Variants in WASF2 observed in about 807,000 individuals in gnomAD.
WASF2 encodes actin-binding protein WASF2.
WASF2 carries 14 observed loss-of-function variants against 45.0 expected under a neutral mutation model. The ratio of observed to expected loss-of-function variants is 0.31; its 90% CI spans 0.21 to 0.49. WASF2 has a LOEUF of 0.49. Ranked by LOEUF, WASF2 falls within the 20% of genes least tolerant of loss-of-function variation. The pLI is 0.99. For synonymous variants in WASF2, 200 were observed against 236.3 expected (o/e 0.85, Z 1.41); for missense variants, 439 against 636.1 (o/e 0.69, Z 3.33).
At chr1:27,441,967 G>T (rs1473344620) in intron 1 of WASF2, among the ~76,000 whole-genome samples, 2 of 150,216 alleles carry the variant, frequency 1.3e-5, no homozygotes, top group Non-Finnish European at 3.0e-5. Context: ...TCAGCTGAGT[G>T]CAGTGGTGTG....
At chr1:27,467,162 C>T (rs1239791658) in intron 1 of WASF2, among the ~76,000 whole-genome samples, 1 of 142,632 alleles carries the variant, frequency 7.0e-6, no homozygotes, top group Admixed American at 7.3e-5. Flanking sequence ...TGCAGTGAGT[C>T]GAGATAATGC....
At chr1:27,441,814 T>A (rs1033580833) in intron 1 of WASF2, among the ~76,000 whole-genome samples, 1 of 145,654 alleles carries the variant, frequency 6.9e-6, no homozygotes, top group African/African-American at 2.6e-5. Flanking sequence ...TAGTCCCAGC[T>A]ACTCGGGAGG....
At position 27,459,583 on chromosome 1, in the gene WASF2, T is replaced by A. The variant is rs191123539; in HGVS notation, c.-44+30403A>T. On this transcript the variant is annotated intron_variant, in intron 1 of 8. Coordinates refer to ENST00000618852, the MANE Select transcript of WASF2 (RefSeq NM_006990.5). ...TGAACTATAAAATATACATTATTTT[T>A]AAAAAATAAAAATGTAATCAAGACT... 7 of 152,246 alleles carry A rather than the reference T, an allele frequency of 4.6e-5. No homozygotes were observed. In the East Asian group the frequency reaches 9.6e-4, roughly 21 times the overall value. 9.4% of individuals were successfully genotyped at this position (152,246 alleles called of 1,614,324 possible).
At chr1:27,442,278 G>A (rs2017247953) in intron 1 of WASF2, among the ~76,000 whole-genome samples, 1 of 152,170 alleles carries the variant, frequency 6.6e-6, no homozygotes, top group Non-Finnish European at 1.5e-5. Flanking sequence ...GGGCGCAGTG[G>A]CTCACACCTG....
intron 1 of WASF2, among the ~76,000 whole-genome samples, chr1:27,469,598 A>G (rs2148136600): frequency 6.6e-6 from 1 of 152,304 alleles, no homozygotes; most frequent in South Asian, 2.1e-4. Context: ...TCAGGACTTT[A>G]GTCATATAGG....
intron 1 of WASF2, among the ~76,000 whole-genome samples, chr1:27,463,467 T>C (rs183922762): frequency 6.7e-6 from 1 of 150,372 alleles, no homozygotes; most frequent in Non-Finnish European, 1.5e-5. Context: ...CTAGAAAAAA[T>C]ACAAAAAATC....
At chr1:27,468,702 G>A (rs143568368) in intron 1 of WASF2, among the ~76,000 whole-genome samples, 166 of 145,054 alleles carry the variant, frequency 1.1e-3, no homozygotes, top group African/African-American at 3.8e-3. Context: ...AAAAGAGGCC[G>A]GGCACGGTGG....
chr1:27,487,486 A>G (rs1234551366), intron 1 of WASF2, among the ~76,000 whole-genome samples: 1 of 112,796 alleles, frequency 8.9e-6, no homozygotes, highest in East Asian at 2.1e-4. Flanking sequence ...ATATAAATAT[A>G]TATTATATAA....
Position 27,441,114 on chromosome 1 carries a change from C to T in WASF2, c.-43-12181G>A, listed in dbSNP as rs144572722. On this transcript the variant is annotated intron_variant, in intron 1 of 8. Coordinates refer to ENST00000618852, the MANE Select transcript of WASF2 (RefSeq NM_006990.5). ...AACTCCTGAGCTCAAGCGATCTGCC[C>T]GCCTCAGCCTCCCAATGTGCTGGGA... is the stretch of plus-strand genomic sequence containing the variant. 4.5e-3 allele frequency among the ~76,000 whole-genome samples: 678 copies of T among 152,164 alleles called. 20 individuals are homozygous for T. The highest frequency in any genetic ancestry group is 0.035 in the South Asian group (169 of 4,814).
chr1:27,480,407 C>T (rs905467267), intron 1 of WASF2, among the ~76,000 whole-genome samples: 2 of 151,766 alleles, frequency 1.3e-5, no homozygotes, highest in African/African-American at 4.8e-5. Context: ...ATCCCAGCTA[C>T]TCGAGAGGCT....
At chr1:27,460,327 G>C (rs1304043305) in intron 1 of WASF2, among the ~76,000 whole-genome samples, 2 of 152,078 alleles carry the variant, frequency 1.3e-5, no homozygotes, top group Non-Finnish European at 2.9e-5. Flanking sequence ...GGTCTGGAGG[G>C]AAGTAAAAGA....
At chr1:27,411,628 C>A (rs1011960724) in intron 7 of WASF2, among the ~76,000 whole-genome samples, 6 of 152,172 alleles carry the variant, frequency 3.9e-5, no homozygotes, top group African/African-American at 1.4e-4. Context: ...CTTTGGGAGG[C>A]CGAGGTGGGC....
At chr1:27,486,508 G>A (rs1002210480) in intron 1 of WASF2, among the ~76,000 whole-genome samples, 2 of 152,080 alleles carry the variant, frequency 1.3e-5, no homozygotes, top group African/African-American at 4.8e-5. Flanking sequence ...GGAAAATAAC[G>A]CATAAAAAGA....
chr1:27,489,250 G>GCGCA (rs750337148), intron 1 of WASF2, among the ~76,000 whole-genome samples: 1 of 111,594 alleles, frequency 9.0e-6, no homozygotes, highest in Non-Finnish European at 1.8e-5. Flanking sequence ...TCCTGTACGC[G>GCGCA]CGCACACACA....
intron 1 of WASF2, among the ~76,000 whole-genome samples, chr1:27,440,927 C>A (rs1352983533): frequency 2.0e-5 from 3 of 151,878 alleles, no homozygotes; most frequent in African/African-American, 7.3e-5. Context: ...AGTGCAGTAG[C>A]ACAATCTCAG....
At chr1:27,454,352 A>G (rs772942139) in intron 1 of WASF2, among the ~76,000 whole-genome samples, 55 of 150,598 alleles carry the variant, frequency 3.7e-4, no homozygotes, top group Non-Finnish European at 6.4e-4. Context: ...CACCATGCCC[A>G]ACTAATTTTT....
intron 1 of WASF2, among the ~76,000 whole-genome samples, chr1:27,456,215 G>A (rs528099193): frequency 1.4e-4 from 22 of 151,754 alleles, no homozygotes; most frequent in African/African-American, 4.8e-4. Context: ...CCAGCTACTC[G>A]GGAGGCTGAG....
chr1:27,481,908 T>C (rs2017855284), intron 1 of WASF2, among the ~76,000 whole-genome samples: 1 of 152,150 alleles, frequency 6.6e-6, no homozygotes. Context: ...AGTCTGGAAA[T>C]CATCATGAAA....
At chr1:27,482,641 C>G (rs1243561418) in intron 1 of WASF2, among the ~76,000 whole-genome samples, 1 of 152,156 alleles carries the variant, frequency 6.6e-6, no homozygotes, top group Admixed American at 6.6e-5. Context: ...GCTATCTGTC[C>G]TGCTCTAATA....
Sources: gnomAD v4.1 joint callset for allele counts (sites outside exome capture counted in the v4.1 genomes callset) on GRCh38, gnomAD v4.1.1 for gene constraint, MANE v1.5 for transcripts, NCBI Gene and HGNC (gene_info 2026-07-23, HGNC 2026-07-21) for gene names.